Variants in KCNQ2 observed in about 807,000 individuals in gnomAD.
KCNQ2 encodes potassium voltage-gated channel subfamily KQT member 2.
In KCNQ2, 14 loss-of-function variants were observed where a neutral mutation model predicts 84.8. That is an observed-to-expected ratio of 0.17 (90% CI 0.11 to 0.26). The LOEUF is 0.26. Among genes scored for constraint, KCNQ2 ranks in the 10% least tolerant of loss-of-function variants. The probability of loss-of-function intolerance (pLI) is 1.00; values close to 1 mark genes in which losing one functional copy is unlikely to be tolerated. For missense variants in KCNQ2, 788 were observed against 1,254.0 expected (o/e 0.63, Z 5.61); for synonymous variants, 599 against 554.1 (o/e 1.08, Z -1.14).
At chr20:63,410,001 A>G (rs930309318) in intron 15 of KCNQ2, 4 of 285,338 alleles carry the variant, frequency 1.4e-5, no homozygotes, top group East Asian at 1.4e-4. Flanking sequence ...CAGGGGTGTT[A>G]TCTTCTTTCT....
At chr20:63,428,249 G>C (rs547253890) in intron 10 of KCNQ2, 118 bp downstream of exon 10, 4 of 760,494 alleles carry the variant, frequency 5.3e-6, no homozygotes, top group Admixed American at 2.1e-5. Flanking sequence ...CAGCGTCCCC[G>C]CGCGTCCCAG....
At chr20:63,439,882 CCT>C (rs1308774112) in intron 5 of KCNQ2, 174 bp from the exon 6 acceptor site, 5 of 666,862 alleles carry the variant, frequency 7.5e-6, no homozygotes, top group African/African-American at 3.5e-5. Flanking sequence ...CCCCTCATCC[CCT>C]GAGCCCTCTC....
intron 15 of KCNQ2, among the ~76,000 whole-genome samples, chr20:63,412,615 A>G (rs2080154033): frequency 6.6e-6 from 1 of 152,178 alleles, no homozygotes; most frequent in Non-Finnish European, 1.5e-5. Context: ...TCCTCAGATG[A>G]GAGCTTCACT....
At chr20:63,411,281 G>A (rs561274120) in intron 15 of KCNQ2, among the ~76,000 whole-genome samples, 125 of 152,316 alleles carry the variant, frequency 8.2e-4, no homozygotes, top group African/African-American at 2.8e-3. Flanking sequence ...CCACCTGCTC[G>A]GAGCCACCCA....
chr20:63,415,877 G>A (rs2080281981), intron 12 of KCNQ2, among the ~76,000 whole-genome samples: 1 of 151,908 alleles, frequency 6.6e-6, no homozygotes, highest in South Asian at 2.1e-4. Context: ...CCCTCCCACG[G>A]CCTGTCCCTC....
intron 1 of KCNQ2, among the ~76,000 whole-genome samples, chr20:63,456,797 T>TG (rs969582525): frequency 6.6e-5 from 10 of 152,170 alleles, no homozygotes; most frequent in Non-Finnish European, 1.0e-4. Context: ...CAGGGGGTCC[T>TG]GGGGGGTCCC....
rs2080919282 is a variant in KCNQ2, at chr20:63,434,196, C to T, written c.1024-293G>A. Reference sequence around the variant, plus strand: ...GCTCGCAGGGAGGCTGTGTTCTTTCCTTTTCATGACTCTTACCTGGCCCCT... The same window carrying T: ...GCTCGCAGGGAGGCTGTGTTCTTTCTTTTTCATGACTCTTACCTGGCCCCT... On this transcript the variant is annotated intron_variant, in intron 7 of 16. Coordinates refer to ENST00000359125, the MANE Select transcript of KCNQ2 (RefSeq NM_172107.4). 8 of 474,268 alleles carry T rather than the reference C, an allele frequency of 1.7e-5. No homozygotes were observed. In the South Asian group the frequency reaches 2.9e-4, roughly 17 times the overall value. The allele number at this position is 474,268 out of a possible 1,614,324, so 29.4% of individuals were successfully genotyped here. A position where few individuals can be genotyped will look rare whatever the true frequency, so the allele number is the denominator to read the frequency against.
At chr20:63,464,075 G>T (rs1457486598) in intron 1 of KCNQ2, among the ~76,000 whole-genome samples, 1 of 152,108 alleles carries the variant, frequency 6.6e-6, no homozygotes, top group Non-Finnish European at 1.5e-5. Context: ...ACCTAATTTT[G>T]TTCAAGCTGG....
intron 1 of KCNQ2, chr20:63,453,717 G>A (rs1399738849): frequency 2.6e-5 from 4 of 152,440 alleles, no homozygotes; most frequent in Non-Finnish European, 4.4e-5. Context: ...CGTGTACAGG[G>A]GCGGGGGGGC....
intron 12 of KCNQ2, among the ~76,000 whole-genome samples, chr20:63,418,820 G>A (rs1425734860): frequency 6.6e-6 from 1 of 151,556 alleles, no homozygotes; most frequent in Non-Finnish European, 1.5e-5. Context: ...GCCCCCCATG[G>A]AGCAGGGTCC....
At chr20:63,451,374 T>C (rs1351993054) in intron 1 of KCNQ2, among the ~76,000 whole-genome samples, 2 of 152,024 alleles carry the variant, frequency 1.3e-5, no homozygotes, top group Non-Finnish European at 2.9e-5. Flanking sequence ...AAAGTGGAAT[T>C]TGACCAGATG....
intron 10 of KCNQ2, 27 bp from the exon 11 acceptor site, chr20:63,424,233 G>A (rs2145615936): frequency 3.2e-6 from 5 of 1,552,760 alleles, no homozygotes; most frequent in South Asian, 1.2e-5. Flanking sequence ...CAGAGAGTTA[G>A]TGGCCGCCCA....
intron 15 of KCNQ2, among the ~76,000 whole-genome samples, chr20:63,410,531 G>A (rs934375279): frequency 6.6e-6 from 1 of 152,190 alleles, no homozygotes; most frequent in Non-Finnish European, 1.5e-5. Context: ...ACAGGAGGAC[G>A]GAGGACCAGC....
At chr20:63,439,800 G>C in intron 5 of KCNQ2, 92 bp from the exon 6 acceptor site, 1 of 931,256 alleles carries the variant, frequency 1.1e-6, no homozygotes, top group Non-Finnish European at 1.7e-6. Context: ...GCTTGGGATG[G>C]GACAGATGCG....
At chr20:63,437,130 G>A (rs965341107) in intron 7 of KCNQ2, among the ~76,000 whole-genome samples, 3 of 152,238 alleles carry the variant, frequency 2.0e-5, no homozygotes, top group South Asian at 4.1e-4. Context: ...TGTGTGACTC[G>A]CTTTATTGCC....
chr20:63,430,179 G>A (rs996792353), intron 9 of KCNQ2, among the ~76,000 whole-genome samples: 12 of 152,302 alleles, frequency 7.9e-5, no homozygotes, highest in African/African-American at 2.9e-4. Context: ...CAGACAGGCG[G>A]GCGGCAGGGC....
intron 1 of KCNQ2, among the ~76,000 whole-genome samples, chr20:63,465,040 A>G (rs1022552185): frequency 7.9e-5 from 12 of 152,186 alleles, no homozygotes; most frequent in African/African-American, 2.9e-4. Context: ...GTCGACCCCA[A>G]AGCTCTCACT....
intron 11 of KCNQ2, among the ~76,000 whole-genome samples, chr20:63,421,819 C>G (rs2080479347): frequency 6.6e-6 from 1 of 152,062 alleles, no homozygotes; most frequent in South Asian, 2.1e-4. Flanking sequence ...GCCAAAGAGA[C>G]CCCCCGGGAC....
At chr20:63,443,129 C>T (rs1600774976) in intron 4 of KCNQ2, among the ~76,000 whole-genome samples, 12 of 100,370 alleles carry the variant, frequency 1.2e-4, no homozygotes, top group East Asian at 4.1e-4. Context: ...ATCACCACCA[C>T]CACCATCATC....
Sources: allele counts gnomAD v4.1 joint callset (sites outside exome capture counted in the v4.1 genomes callset), GRCh38; gene constraint gnomAD v4.1.1; transcripts MANE v1.5; gene names NCBI Gene and HGNC (gene_info 2026-07-23, HGNC 2026-07-21).